Variants in HCN1 observed in about 807,000 individuals in gnomAD.
HCN1 encodes the protein hyperpolarization activated cyclic nucleotide gated potassium channel 1.
A neutral mutation model predicts 78.9 loss-of-function variants in HCN1; 13 were observed. The observed-to-expected ratio is 0.16, with a 90% CI of 0.11 to 0.26. The LOEUF is 0.26. Among genes scored for constraint, HCN1 ranks in the 10% least tolerant of loss-of-function variants. The pLI is 1.00. For missense variants in HCN1, 810 were observed against 1,154.3 expected, an observed-to-expected ratio of 0.70 and a Z score of 4.32; for synonymous variants, 552 against 455.5, an observed-to-expected ratio of 1.21 and a Z score of -2.70.
At chr5:45,491,713 T>A (rs1220014248) in intron 2 of HCN1, among the ~76,000 whole-genome samples, 1 of 152,150 alleles carries the variant, frequency 6.6e-6, no homozygotes, top group African/African-American at 2.4e-5. Flanking sequence ...GTCCTTTATT[T>A]TAGCTGGAAA....
At chr5:45,562,825 G>C (rs1052151713) in intron 2 of HCN1, among the ~76,000 whole-genome samples, 8 of 152,146 alleles carry the variant, frequency 5.3e-5, no homozygotes, top group Admixed American at 6.5e-5. Context: ...TAAATTGAAT[G>C]GTTTCCTAAC....
chr5:45,322,631 T>C (rs1245844434), intron 5 of HCN1, among the ~76,000 whole-genome samples: 1 of 151,824 alleles, frequency 6.6e-6, no homozygotes, highest in Non-Finnish European at 1.5e-5. Flanking sequence ...TTACACAATA[T>C]TTTAAAATAA....
chr5:45,444,218 G>A (rs554178068), intron 3 of HCN1, among the ~76,000 whole-genome samples: 2 of 152,136 alleles, frequency 1.3e-5, no homozygotes, highest in East Asian at 3.9e-4. Context: ...TTCAGTAAGA[G>A]GCTATTAAAA....
At chr5:45,677,365 A>C (rs989692193) in intron 1 of HCN1, among the ~76,000 whole-genome samples, 1 of 151,802 alleles carries the variant, frequency 6.6e-6, no homozygotes, top group Non-Finnish European at 1.5e-5. Context: ...GCCTATCTGT[A>C]GAGCCTTGTC....
intron 5 of HCN1, among the ~76,000 whole-genome samples, chr5:45,318,015 C>G (rs572120652): frequency 4.3e-4 from 65 of 152,260 alleles, no homozygotes; most frequent in Non-Finnish European, 7.5e-4. Flanking sequence ...GGTGATTCCT[C>G]AAGCATCTAG....
intron 6 of HCN1, among the ~76,000 whole-genome samples, chr5:45,277,838 C>T (rs1384032372): frequency 6.6e-6 from 1 of 152,012 alleles, no homozygotes; most frequent in Non-Finnish European, 1.5e-5. Flanking sequence ...ATTAATCATA[C>T]CCATTGTTGG....
chr5:45,489,558 T>C (rs896405270), intron 2 of HCN1, among the ~76,000 whole-genome samples: 2 of 151,736 alleles, frequency 1.3e-5, no homozygotes, highest in Non-Finnish European at 1.5e-5. Flanking sequence ...AATAAAGTGC[T>C]CTCTGTTTCC....
chr5:45,262,106 C>T lies in HCN1; in HGVS notation c.2488G>A (p.Gly830Arg), dbSNP rs1484753978. Residue 830 changes from glycine to arginine, a missense_variant, in exon 8 of 8, where the codon GGG becomes AGG. Physicochemically the swap from Gly to Arg is moderately radical, Grantham distance 125. Around this residue, in one of 6 missense-constraint regions of HCN1, gnomAD observed 398 missense variants for 381.3 expected, o/e 1.04. Coordinates refer to ENST00000303230, the MANE Select transcript of HCN1 (RefSeq NM_021072.4). Reference sequence around the variant, plus strand: ...CGCTGCGGGACAGTGCTCCTGCCCCCTGCCTGAAGGCCCGTTCCGGGGACC... The same window carrying T: ...CGCTGCGGGACAGTGCTCCTGCCCCTTGCCTGAAGGCCCGTTCCGGGGACC... ...TAVPGTGLQA[G>R]GRSTVPQRVT... 1 of 1,612,816 alleles carries T rather than the reference C, an allele frequency of 6.2e-7. No individual in the cohort carries two copies. The highest frequency in any genetic ancestry group is 2.2e-5 in the East Asian group (1 of 44,848).
At chr5:45,312,824 C>T (rs369777959) in intron 5 of HCN1, among the ~76,000 whole-genome samples, 7 of 152,278 alleles carry the variant, frequency 4.6e-5, no homozygotes, top group South Asian at 4.1e-4. Flanking sequence ...GGGGGAGGGG[C>T]GCCCACCATT....
At chr5:45,449,894 G>T (rs1335851747) in intron 3 of HCN1, among the ~76,000 whole-genome samples, 3 of 152,044 alleles carry the variant, frequency 2.0e-5, no homozygotes, top group Non-Finnish European at 4.4e-5. Context: ...CTGGAGTGCG[G>T]TGATCTCGGC....
chr5:45,629,984 T>G (rs563618143), intron 2 of HCN1, among the ~76,000 whole-genome samples: 2 of 152,166 alleles, frequency 1.3e-5, no homozygotes, highest in South Asian at 4.1e-4. Flanking sequence ...TAAAGATTAA[T>G]TTATAGTTGA....
At chr5:45,311,087 T>C (rs1579799940) in intron 5 of HCN1, among the ~76,000 whole-genome samples, 2 of 152,150 alleles carry the variant, frequency 1.3e-5, no homozygotes, top group East Asian at 3.9e-4. Flanking sequence ...GATGAAATAA[T>C]CTGTACAACA....
At chr5:45,614,602 A>G (rs1744905757) in intron 2 of HCN1, among the ~76,000 whole-genome samples, 1 of 152,030 alleles carries the variant, frequency 6.6e-6, no homozygotes, top group Non-Finnish European at 1.5e-5. Flanking sequence ...TCTCTCACTT[A>G]TTTAGGGACT....
intron 2 of HCN1, among the ~76,000 whole-genome samples, chr5:45,577,767 T>C (rs562537219): frequency 2.6e-5 from 4 of 152,280 alleles, no homozygotes; most frequent in Non-Finnish European, 5.9e-5. Flanking sequence ...GCTTTTCTTA[T>C]ACTTGAGGTT....
At chr5:45,374,081 A>G (rs1261849701) in intron 4 of HCN1, among the ~76,000 whole-genome samples, 3 of 107,592 alleles carry the variant, frequency 2.8e-5, no homozygotes, top group Non-Finnish European at 5.4e-5. Flanking sequence ...TATAATATCT[A>G]TTACATATAT....
chr5:45,692,364 T>C (rs1210381389), intron 1 of HCN1, among the ~76,000 whole-genome samples: 1 of 152,186 alleles, frequency 6.6e-6, no homozygotes, highest in African/African-American at 2.4e-5. Context: ...TGTGTCTATG[T>C]GTTGTTCACA....
chr5:45,280,306 G>A (rs372838654), intron 6 of HCN1, among the ~76,000 whole-genome samples: 10 of 152,102 alleles, frequency 6.6e-5, no homozygotes, highest in Non-Finnish European at 1.3e-4. Context: ...TGAGAATGAA[G>A]GAAGACTTGA....
At chr5:45,353,674 TG>T (rs957207431) in intron 4 of HCN1, among the ~76,000 whole-genome samples, 6 of 152,022 alleles carry the variant, frequency 3.9e-5, no homozygotes, top group African/African-American at 1.2e-4. Flanking sequence ...TTAGGCTTTT[TG>T]GCAAAAGATC....
intron 6 of HCN1, among the ~76,000 whole-genome samples, chr5:45,295,844 G>A (rs989959966): frequency 2.0e-4 from 30 of 151,874 alleles, no homozygotes; most frequent in African/African-American, 4.6e-4. Context: ...TATAAAATTT[G>A]GTGTTATTGA....
Sources: allele counts gnomAD v4.1 joint callset (sites outside exome capture counted in the v4.1 genomes callset), GRCh38; gene constraint gnomAD v4.1.1; regional missense constraint gnomAD v4.1.1; transcripts MANE v1.5; gene names NCBI Gene and HGNC (gene_info 2026-07-23, HGNC 2026-07-21).